EYS: variants seen among roughly 807,000 people sequenced by gnomAD.
EYS encodes the protein protein eyes shut homolog.
A neutral mutation model predicts 282.1 loss-of-function variants in EYS; 250 were observed. The observed-to-expected ratio is 0.89, with a 90% CI of 0.80 to 0.98. The LOEUF (loss-of-function observed/expected upper bound fraction) is 0.98, where lower values mean the gene tolerates loss of function less well. Among genes scored for constraint, EYS ranks in the 50% least tolerant of loss-of-function variants. The pLI is 0.00. For synonymous variants in EYS, 1,355 were observed against 1,282.9 expected (o/e 1.06, Z -1.20); for missense variants, 4,016 against 3,709.0 (o/e 1.08, Z -2.15).
chr6:64,506,896 G>C (rs975713715), intron 26 of EYS, among the ~76,000 whole-genome samples: 4 of 90,534 alleles, frequency 4.4e-5, no homozygotes, highest in Admixed American at 1.1e-4. Flanking sequence ...GCGATAAAGC[G>C]AGGCTGTGTC....
intron 13 of EYS, among the ~76,000 whole-genome samples, chr6:65,032,655 T>G (rs1158697631): frequency 6.6e-6 from 1 of 152,106 alleles, no homozygotes; most frequent in African/African-American, 2.4e-5. Flanking sequence ...TGCAGAACGG[T>G]GAGCTAATGA....
chr6:64,647,196 C>G (rs1352954073), intron 22 of EYS, among the ~76,000 whole-genome samples: 4 of 152,030 alleles, frequency 2.6e-5, no homozygotes, highest in African/African-American at 9.7e-5. Context: ...TCATATCATG[C>G]CTATTTTTAT....
intron 8 of EYS, among the ~76,000 whole-genome samples, chr6:65,361,492 T>TG (rs1310898416): frequency 6.6e-6 from 1 of 151,674 alleles, no homozygotes; most frequent in Non-Finnish European, 1.5e-5. Context: ...TTCGTTCCTT[T>TG]TTTTTTTGGT....
chr6:64,807,779 A>G (rs1764476429), intron 22 of EYS, among the ~76,000 whole-genome samples: 1 of 152,142 alleles, frequency 6.6e-6, no homozygotes, highest in Non-Finnish European at 1.5e-5. Context: ...TACACACCTA[A>G]CATCTAAGTA....
At chr6:65,523,299 C>T (rs1767439445) in intron 2 of EYS, among the ~76,000 whole-genome samples, 1 of 151,828 alleles carries the variant, frequency 6.6e-6, no homozygotes, top group Non-Finnish European at 1.5e-5. Context: ...AATTGTGATA[C>T]ACACACACAA....
intron 35 of EYS, among the ~76,000 whole-genome samples, chr6:63,944,995 T>C (rs894023262): frequency 6.6e-6 from 1 of 152,104 alleles, no homozygotes; most frequent in Non-Finnish European, 1.5e-5. Flanking sequence ...TTGATCACTT[T>C]AGTAAAAAAA....
intron 20 of EYS, 149 bp downstream of exon 20, chr6:64,822,502 G>A (rs1203623684): frequency 1.6e-6 from 1 of 637,054 alleles, no homozygotes; most frequent in Non-Finnish European, 2.6e-6. Flanking sequence ...GCTAAAACTG[G>A]CAGCATCTGT....
chr6:64,939,881 G>A (rs9351470), intron 15 of EYS, among the ~76,000 whole-genome samples: 125,005 of 151,922 alleles, frequency 0.82, 52,060 homozygotes, highest in African/African-American at 0.95. Flanking sequence ...CTATGCAAAT[G>A]AGAGATCACA....
chr6:64,210,008 T>A (rs1262048577), intron 31 of EYS, among the ~76,000 whole-genome samples: 2 of 152,194 alleles, frequency 1.3e-5, no homozygotes, highest in African/African-American at 4.8e-5. Flanking sequence ...TTCTGTCTCT[T>A]TATTTGTCCT....
intron 8 of EYS, among the ~76,000 whole-genome samples, chr6:65,380,444 T>A (rs560967440): frequency 6.6e-6 from 1 of 152,246 alleles, no homozygotes; most frequent in Admixed American, 6.5e-5. Context: ...CTGGACCTCT[T>A]CCTTACACCT....
intron 1 of EYS, among the ~76,000 whole-genome samples, chr6:65,703,522 T>C (rs977943626): frequency 2.6e-5 from 4 of 151,898 alleles, no homozygotes; most frequent in Non-Finnish European, 5.9e-5. Context: ...TGAGAATATA[T>C]TCCTATCAAA....
chr6:65,624,501 A>C (rs2149804027), intron 2 of EYS, among the ~76,000 whole-genome samples: 1 of 152,252 alleles, frequency 6.6e-6, no homozygotes. Context: ...TGTCAGCTTG[A>C]TTGGATCGAA....
At chr6:65,378,176 C>T (rs1170724340) in intron 8 of EYS, among the ~76,000 whole-genome samples, 1 of 152,092 alleles carries the variant, frequency 6.6e-6, no homozygotes, top group African/African-American at 2.4e-5. Context: ...AGAACTTAAA[C>T]AAATTTACAA....
At chr6:65,268,794 T>C in intron 12 of EYS, among the ~76,000 whole-genome samples, 1 of 126,346 alleles carries the variant, frequency 7.9e-6, no homozygotes, top group African/African-American at 2.7e-5. Context: ...TAACGTGGTA[T>C]TTCAACATAA....
rs371647156 is a variant in EYS at position 64,121,496 on chromosome 6, C to T, written c.6425-39494G>A. Among the ~76,000 whole-genome samples the T allele has an allele frequency of 1.1e-4, 17 of 152,270 alleles. No homozygotes were observed. In the East Asian group the frequency reaches 2.9e-3, roughly 26 times the overall value. On this transcript the variant is annotated intron_variant, in intron 31 of 42. Coordinates refer to ENST00000503581, the MANE Select transcript of EYS (RefSeq NM_001142800.2). ...CAGCTGTCTAATTTAAAAGCTGGGA[C>T]TCATAACCGTTATGTTTAACATCAT...
chr6:65,433,843 C>G (rs17767951), intron 5 of EYS, among the ~76,000 whole-genome samples: 28,301 of 151,972 alleles, frequency 0.19, 3,265 homozygotes, highest in Middle Eastern at 0.3. Context: ...TTTCTTTTGG[C>G]CCAGAGGAAA....
intron 14 of EYS, among the ~76,000 whole-genome samples, chr6:64,993,911 TTA>T (rs1014765385): frequency 6.6e-6 from 1 of 150,516 alleles, no homozygotes. Context: ...TGTGTGATAT[TTA>T]TATATATATA....
At chr6:63,898,396 C>T (rs192364179) in intron 35 of EYS, among the ~76,000 whole-genome samples, 1 of 152,096 alleles carries the variant, frequency 6.6e-6, no homozygotes, top group Admixed American at 6.6e-5. Flanking sequence ...GAGGCTGAGG[C>T]AGGAGAATCT....
chr6:65,386,997 G>GA (rs34569665), intron 7 of EYS, among the ~76,000 whole-genome samples: 1 of 150,612 alleles, frequency 6.6e-6, no homozygotes, highest in African/African-American at 2.4e-5. Context: ...GAAAGGGAAG[G>GA]AAAAAAAATA....
Sources: gnomAD v4.1 joint callset for allele counts (sites outside exome capture counted in the v4.1 genomes callset) on GRCh38, gnomAD v4.1.1 for gene constraint, MANE v1.5 for transcripts, NCBI Gene and HGNC (gene_info 2026-07-23, HGNC 2026-07-21) for gene names.